KCNE2: variants seen among roughly 807,000 people sequenced by gnomAD.
KCNE2 encodes the protein potassium voltage-gated channel subfamily E member 2.
A neutral mutation model predicts 4.5 loss-of-function variants in KCNE2; 4 were observed. The observed-to-expected ratio is 0.89, with a 90% confidence interval of 0.44 to 2.03. The LOEUF is 2.03. Among genes scored for constraint, KCNE2 ranks in the 30% most tolerant of loss-of-function variants. The probability of loss-of-function intolerance (pLI) is 0.03; values close to 1 mark genes in which losing one functional copy is unlikely to be tolerated. For missense variants in KCNE2, 137 were observed against 151.4 expected, an observed-to-expected ratio of 0.90 and a Z score of 0.50; for synonymous variants, 57 against 55.9, an observed-to-expected ratio of 1.02 and a Z score of -0.09.
chr21:34,366,510 G>A (rs1029999943), intron 1 of KCNE2, among the ~76,000 whole-genome samples: 3 of 151,910 alleles, frequency 2.0e-5, no homozygotes, highest in Admixed American at 6.6e-5. Context: ...CGTACCCATC[G>A]CTGTGTAGGG....
At chr21:34,367,344 C>T (rs1979354320) in intron 1 of KCNE2, among the ~76,000 whole-genome samples, 1 of 151,944 alleles carries the variant, frequency 6.6e-6, no homozygotes, top group Non-Finnish European at 1.5e-5. Context: ...GGTAAAAGAG[C>T]CAGTGGCAAA....
At chr21:34,366,838 G>A (rs1314825234) in intron 1 of KCNE2, among the ~76,000 whole-genome samples, 1 of 151,558 alleles carries the variant, frequency 6.6e-6, no homozygotes, top group Non-Finnish European at 1.5e-5. Context: ...AATTAGCCGG[G>A]CTTCGTGGCG....
intron 1 of KCNE2, among the ~76,000 whole-genome samples, chr21:34,365,250 T>C (rs796760212): frequency 9.8e-5 from 15 of 152,332 alleles, no homozygotes; most frequent in African/African-American, 3.6e-4. Context: ...TCACTGGAAA[T>C]GTAGGTCCTC....
intron 1 of KCNE2, among the ~76,000 whole-genome samples, chr21:34,368,258 A>ATATATATATG (rs1437734710): frequency 4.2e-5 from 4 of 96,236 alleles, no homozygotes; most frequent in African/African-American, 1.9e-4. Context: ...ATATATATAT[A>ATATATATATG]TATGTATGTT....
intron 1 of KCNE2, among the ~76,000 whole-genome samples, chr21:34,366,326 A>G (rs1202279693): frequency 2.0e-5 from 3 of 152,024 alleles, no homozygotes; most frequent in African/African-American, 7.3e-5. Flanking sequence ...AAGTCACATC[A>G]TTTTATTTTA....
intron 1 of KCNE2, among the ~76,000 whole-genome samples, chr21:34,368,229 A>ACACAAT (rs781775671): frequency 2.2e-4 from 19 of 84,794 alleles, no homozygotes; most frequent in Admixed American, 8.4e-4. Flanking sequence ...ACACACACAC[A>ACACAAT]ATATATATAT....
chr21:34,370,322 C>T, intron 1 of KCNE2, 145 bp from the exon 2 acceptor site: 1 of 915,390 alleles, frequency 1.1e-6, no homozygotes, highest in South Asian at 1.6e-5. Flanking sequence ...TAAAGACTAA[C>T]AAAATATGCA....
chr21:34,370,747 A>C lies in KCNE2; in HGVS notation c.269A>C (p.Glu90Ala). The change falls in exon 2 of 2, where the codon GAG (glutamate) becomes GCG (alanine). Residue 90 changes from glutamate (E) to alanine (A), a missense_variant. Physicochemically the swap from Glu to Ala is moderately radical, Grantham distance 107. Coordinates refer to ENST00000290310, the MANE Select transcript of KCNE2 (RefSeq NM_172201.2). ...GACCCCTACCACCAGTACATTGTAG[A>C]GGACTGGCAGGAAAAGTACAAGAGC... ...SNDPYHQYIV[E>A]DWQEKYKSQI... The C allele has an allele frequency of 6.2e-7, 1 of 1,614,192 alleles. No homozygotes were observed. Among genetic ancestry groups the C allele is most frequent in the Non-Finnish European group, 8.5e-7 (1 of 1,179,996 alleles).
At chr21:34,369,289 C>T (rs756431147) in intron 1 of KCNE2, among the ~76,000 whole-genome samples, 3 of 152,174 alleles carry the variant, frequency 2.0e-5, no homozygotes, top group Non-Finnish European at 4.4e-5. Flanking sequence ...GTGGCTGACA[C>T]ATGTAATCCC....
chr21:34,365,272 C>A (rs1000169822), intron 1 of KCNE2, among the ~76,000 whole-genome samples: 5 of 152,224 alleles, frequency 3.3e-5, no homozygotes, highest in Non-Finnish European at 5.9e-5. Flanking sequence ...TAGGTTGATA[C>A]ACATGAATTG....
intron 1 of KCNE2, among the ~76,000 whole-genome samples, chr21:34,368,225 ACACAATATAT>A (rs1432340255): frequency 1.1e-3 from 73 of 68,496 alleles, no homozygotes; most frequent in Admixed American, 4.0e-3. Flanking sequence ...ACACACACAC[ACACAATATAT>A]ATATATATAT....
intron 1 of KCNE2, among the ~76,000 whole-genome samples, chr21:34,364,380 T>G (rs577517827): frequency 6.6e-6 from 1 of 152,156 alleles, no homozygotes; most frequent in Non-Finnish European, 1.5e-5. Context: ...TAAACGTAGG[T>G]AATCATATTG....
intron 1 of KCNE2, among the ~76,000 whole-genome samples, chr21:34,364,375 G>A (rs919278114): frequency 2.4e-4 from 36 of 152,286 alleles, no homozygotes; most frequent in Middle Eastern, 6.8e-3. Flanking sequence ...CATGGTAAAC[G>A]TAGGTAATCA....
At position 34,370,504 on chromosome 21, in the gene KCNE2, A is replaced by T; in HGVS notation, c.26A>T (p.Gln9Leu). 5 of 1,614,204 alleles carry T rather than the reference A, an allele frequency of 3.1e-6. No individual in the cohort carries two copies. Among genetic ancestry groups the T allele is most frequent in the Non-Finnish European group, 4.2e-6 (5 of 1,180,038 alleles). The change falls in exon 2 of 2, where the codon CAG (glutamine) becomes CTG (leucine). Residue 9 changes from glutamine (Q) to leucine (L), a missense_variant. Transcript: ENST00000290310. ...ATGTCTACTTTATCCAATTTCACAC[A>T]GACGCTGGAAGACGTCTTCCGAAGG... MSTLSNFT[Q>L]TLEDVFRRIF...
chr21:34,370,720 A>G lies in KCNE2; in HGVS notation c.242A>G (p.Asn81Ser), dbSNP rs1434304789. The part of the protein sequence containing the change: ...TVKSKRREHS[N>S]DPYHQYIVED... ...AAATCCAAGAGACGGGAACACTCCAATGACCCCTACCACCAGTACATTGTA... is the reference window on the plus strand; with the variant it reads ...AAATCCAAGAGACGGGAACACTCCAGTGACCCCTACCACCAGTACATTGTA... The change falls in exon 2 of 2, where the codon AAT becomes AGT. Residue 81 changes from asparagine to serine, a missense_variant. Physicochemically the swap from Asn to Ser is conservative, Grantham distance 46 (BLOSUM62 1). Transcript: ENST00000290310. 3.7e-6 allele frequency: 6 copies of G among 1,614,078 alleles called. No homozygotes were observed. The highest frequency in any genetic ancestry group is 2.2e-5 in the South Asian group (2 of 91,080).
In KCNE2 at chr21:34,370,613, C is replaced by T; in HGVS notation, c.135C>T (p.Asn45=). The change falls in exon 2 of 2, where the codon AAC becomes AAT. Residue 45 remains asparagine, a synonymous_variant. Transcript: ENST00000290310. ...TCCAAGCCAAAGTTGATGCTGAGAA[C>T]TTCTACTATGTCATCCTGTACCTCA... ...EALQAKVDAE[N]FYYVILYLMV... 1 of 1,614,232 alleles carries T rather than the reference C, an allele frequency of 6.2e-7. No individual in the cohort carries two copies. Among genetic ancestry groups the T allele is most frequent in the Non-Finnish European group, 8.5e-7 (1 of 1,180,044 alleles).
intron 1 of KCNE2, among the ~76,000 whole-genome samples, chr21:34,367,189 G>A (rs559973381): frequency 6.0e-5 from 9 of 150,242 alleles, no homozygotes; most frequent in African/African-American, 2.0e-4. Context: ...AGTCTGGCAT[G>A]GTGGCTCAAA....
chr21:34,368,125 C>T (rs1264294100), intron 1 of KCNE2, among the ~76,000 whole-genome samples: 1 of 149,620 alleles, frequency 6.7e-6, no homozygotes, highest in Non-Finnish European at 1.5e-5. Context: ...TGTTAGACAT[C>T]TGCTATACCG....
intron 1 of KCNE2, among the ~76,000 whole-genome samples, chr21:34,368,244 ATATATATATATATATATG>A (rs1475543779): frequency 1.6e-5 from 2 of 122,754 alleles, no homozygotes; most frequent in African/African-American, 3.7e-5. Flanking sequence ...ATATATATAT[ATATATATATATATATATG>A]TATGTTATAT....
Sources: allele counts gnomAD v4.1 joint callset (sites outside exome capture counted in the v4.1 genomes callset), GRCh38; gene constraint gnomAD v4.1.1; transcripts MANE v1.5; gene names NCBI Gene and HGNC (gene_info 2026-07-23, HGNC 2026-07-21).